LIG3: variants seen among roughly 807,000 people sequenced by gnomAD.
LIG3 encodes the protein ligase II, DNA, ATP-dependent.
A neutral mutation model predicts 110.9 loss-of-function variants in LIG3; 58 were observed. The ratio of observed to expected loss-of-function variants is 0.52; its 90% CI spans 0.42 to 0.65. The LOEUF is 0.65. LIG3 is among the 30% of genes least tolerant of loss of function. The pLI is 0.00. For missense variants in LIG3, 1,094 were observed against 1,273.8 expected, an observed-to-expected ratio of 0.86 and a Z score of 2.15; for synonymous variants, 422 against 472.8, an observed-to-expected ratio of 0.89 and a Z score of 1.39.
In LIG3 at chr17:34,996,357, T is replaced by C. The variant is rs1002844209; in HGVS notation, c.1743+162T>C. 24 of 954,010 alleles carry C rather than the reference T, an allele frequency of 2.5e-5. No individual in the cohort carries two copies. The African/African-American group carries it at 2.8e-4, about 11-fold the overall frequency. The allele number at this position is 954,010 out of a possible 1,614,324, so 59.1% of individuals were successfully genotyped here. A position where few individuals can be genotyped will look rare whatever the true frequency, so the allele number is the denominator to read the frequency against. On this transcript the variant is annotated intron_variant, in intron 10 of 19. Transcript: ENST00000378526. ...TTTGGATTTTTGTCTTTTGTTTTTC[T>C]CCTAAAAAGGGGCTGGTATTGGGAA...
At chr17:34,991,602 C>A in intron 5 of LIG3, 69 bp from the exon 6 acceptor site, 1 of 1,501,758 alleles carries the variant, frequency 6.7e-7, no homozygotes, top group Non-Finnish European at 9.2e-7. Context: ...CATCTTCAGT[C>A]CTGGGTCTTG....
Position 35,003,040 on chromosome 17 carries a change from A to G in LIG3, c.2796+251A>G, listed in dbSNP as rs778415161. 19 of 1,614,090 alleles carry G rather than the reference A, an allele frequency of 1.2e-5. No homozygotes were observed. In the African/African-American group the frequency reaches 2.4e-4, roughly 20 times the overall value. ...GAGAGGAAGAACTGTGCCAGCAGGC[A>G]GGAGATAGAACAGCCCGGCCTAGCC... is the stretch of plus-strand genomic sequence containing the variant. On this transcript the variant is annotated intron_variant, in intron 19 of 19. Coordinates refer to ENST00000378526, the MANE Select transcript of LIG3 (RefSeq NM_013975.4).
At chr17:34,997,366 CG>C in intron 11 of LIG3, 1 of 191,814 alleles carries the variant, frequency 5.2e-6, no homozygotes, top group Non-Finnish European at 1.1e-5. Context: ...CTGCCTACCC[CG>C]GGGTTGGCCT....
rs1465514216 is a variant in LIG3, at chr17:35,005,201, G to A, written c.*695G>A. The A allele has an allele frequency of 2.3e-6, 1 of 431,188 alleles. No homozygotes were observed. The highest frequency in any genetic ancestry group is 4.7e-6 in the Non-Finnish European group (1 of 214,340). 26.7% of individuals were successfully genotyped at this position (431,188 alleles called of 1,614,324 possible). A position where few individuals can be genotyped will look rare whatever the true frequency, so the allele number is the denominator to read the frequency against. On this transcript the variant is annotated 3_prime_UTR_variant, in exon 20 of 20. Coordinates refer to ENST00000378526, the MANE Select transcript of LIG3 (RefSeq NM_013975.4). ...TCCTCTGGAGGGATAGAGGGCTCCAGGAAGATCTGCATCCCCAAAACCTGG... is the reference window on the plus strand; with the variant it reads ...TCCTCTGGAGGGATAGAGGGCTCCAAGAAGATCTGCATCCCCAAAACCTGG...
chr17:35,010,745 C>CA (rs59246535), downstream of LIG3: 65,166 of 132,176 alleles, frequency 0.49, 15,922 homozygotes, highest in African/African-American at 0.56. Context: ...GAGTGAGACT[C>CA]AAAAAAAAAA....
At chr17:34,999,036 G>A in intron 14 of LIG3, 1 of 511,174 alleles carries the variant, frequency 2.0e-6, no homozygotes, top group Non-Finnish European at 3.5e-6. Context: ...GCTGGAGTCT[G>A]AGGAACTAAT....
chr17:34,997,309 T>C (rs749122476), intron 11 of LIG3: 20 of 176,360 alleles, frequency 1.1e-4, no homozygotes, highest in African/African-American at 9.4e-5. Flanking sequence ...AGGGAAGGAA[T>C]TGGTGGGGGT....
chr17:35,005,816 C>T lies in LIG3; in HGVS notation c.*1310C>T. 1 of 458,206 alleles carries T rather than the reference C, an allele frequency of 2.2e-6. No homozygotes were observed. The highest frequency in any genetic ancestry group is 1.8e-5 in the South Asian group (1 of 57,000). The allele number at this position is 458,206 out of a possible 1,614,324, so 28.4% of individuals were successfully genotyped here. On this transcript the variant is annotated 3_prime_UTR_variant, in exon 20 of 20. Transcript: ENST00000378526. Reference sequence around the variant, plus strand: ...AAGTTCTAAAGGCTGTACCAATCCTCCAATATGAAATGTGGGAAAGAATGA... The same window carrying T: ...AAGTTCTAAAGGCTGTACCAATCCTTCAATATGAAATGTGGGAAAGAATGA...
chr17:34,996,547 T>A, intron 10 of LIG3, 27 bp from the exon 11 acceptor site: 1 of 1,583,950 alleles, frequency 6.3e-7, no homozygotes, highest in Non-Finnish European at 8.7e-7. Flanking sequence ...GTCCTATGTG[T>A]ACCTACTACC....
intron 19 of LIG3, chr17:35,003,005 C>T: frequency 6.2e-7 from 1 of 1,614,164 alleles, no homozygotes; most frequent in Non-Finnish European, 8.5e-7. Flanking sequence ...AGGCGGCCAG[C>T]CAGTGAGCAG....
At chr17:35,002,996 G>A in intron 19 of LIG3, 1 of 1,614,170 alleles carries the variant, frequency 6.2e-7, no homozygotes, top group Non-Finnish European at 8.5e-7. Flanking sequence ...GCCTTGCAGA[G>A]GCGGCCAGCC....
chr17:34,992,581 G>C lies in LIG3; in HGVS notation c.1344G>C (p.Gln448His). ...CCTTCAAAGCCTCGCGCAACCTGCA[G>C]GATGTGGTGGAGCGGGTCCTTCACA... Reference protein sequence around the residue: ...YEAFKASRNLQDVVERVLHNA... With the variant: ...YEAFKASRNLHDVVERVLHNA... Residue 448 changes from glutamine to histidine, a missense_variant, in exon 8 of 20, where the codon CAG (glutamine) becomes CAC (histidine). Coordinates refer to ENST00000378526, the MANE Select transcript of LIG3 (RefSeq NM_013975.4). 1 of 1,613,810 alleles carries C rather than the reference G, an allele frequency of 6.2e-7. No homozygotes were observed. Among genetic ancestry groups the C allele is most frequent in the South Asian group, 1.1e-5 (1 of 91,042 alleles).
At chr17:34,993,812 C>T (rs981699396) in intron 8 of LIG3, among the ~76,000 whole-genome samples, 3 of 152,090 alleles carry the variant, frequency 2.0e-5, no homozygotes, top group Non-Finnish European at 4.4e-5. Flanking sequence ...AGTAGGTGCT[C>T]CAATATCTGG....
intron 9 of LIG3, 143 bp downstream of exon 9, chr17:34,994,574 T>A (rs1435342773): frequency 1.1e-6 from 1 of 926,910 alleles, no homozygotes. Flanking sequence ...ATTCATTTAT[T>A]CATTTTTGGA....
At position 35,001,322 on chromosome 17, in the gene LIG3, G is replaced by A; in HGVS notation, c.2397G>A (p.Gly799=). ...FSKSEAHTAD[G]ISIRFPRCTR... is the part of the protein sequence containing the mutation. ...AATCGGAGGCTCATACAGCTGACGG[G>A]ATCTCCATCCGATTCCCTCGCTGCA... is the stretch of plus-strand genomic sequence containing the variant. The change falls in exon 17 of 20, where the codon GGG becomes GGA. Residue 799 remains glycine, a synonymous_variant. Transcript: ENST00000378526. The A allele has an allele frequency of 1.2e-6, 2 of 1,614,150 alleles. No individual in the cohort carries two copies. Among genetic ancestry groups the A allele is most frequent in the Non-Finnish European group, 1.7e-6 (2 of 1,180,012 alleles).
chr17:34,998,367 G>A (rs1319307721), intron 13 of LIG3, 71 bp downstream of exon 13: 3 of 1,399,032 alleles, frequency 2.1e-6, no homozygotes, highest in African/African-American at 1.4e-5. Context: ...TTCCAGCCCT[G>A]ACCAGGAGAT....
intron 4 of LIG3, among the ~76,000 whole-genome samples, chr17:34,990,577 G>A (rs2090708261): frequency 6.6e-6 from 1 of 151,988 alleles, no homozygotes; most frequent in South Asian, 2.1e-4. Context: ...ACCATGCGCG[G>A]TCTGAGTTTA....
intron 4 of LIG3, chr17:34,990,007 A>G (rs772773849): frequency 3.6e-5 from 9 of 251,854 alleles, no homozygotes; most frequent in Admixed American, 1.9e-4. Context: ...AACCATATAC[A>G]CAGTTTGGAA....
At position 34,990,848 on chromosome 17, in the gene LIG3, C is replaced by T. The variant is rs3135981; in HGVS notation, c.890-115C>T. ...GTGAGCTTAAGCAATTCTCCTGCTTCGGCCTCCCAAAGTGCTGAGATTACA... is the reference window on the plus strand; with the variant it reads ...GTGAGCTTAAGCAATTCTCCTGCTTTGGCCTCCCAAAGTGCTGAGATTACA... On this transcript the variant is annotated intron_variant, in intron 4 of 19. Transcript: ENST00000378526. 4,567 of 901,244 alleles carry T rather than the reference C, an allele frequency of 5.1e-3. 128 individuals carry two copies. The African/African-American group carries it at 0.068, about 14-fold the overall frequency. The allele number at this position is 901,244 out of a possible 1,614,324, so 55.8% of individuals were successfully genotyped here.
Sources: allele counts gnomAD v4.1 joint callset (sites outside exome capture counted in the v4.1 genomes callset), GRCh38; gene constraint gnomAD v4.1.1; transcripts MANE v1.5; gene names NCBI Gene and HGNC (gene_info 2026-07-23, HGNC 2026-07-21).